The following RSPO2 variants were observed in gnomAD, a reference collection of about 807,000 sequenced individuals.
RSPO2 encodes R-spondin 2, also known as R-spondin-2.
Under a neutral mutation model 30.9 loss-of-function variants are expected in RSPO2, and 14 were observed. The ratio of observed to expected loss-of-function variants is 0.45; its 90% CI spans 0.30 to 0.71. The LOEUF (loss-of-function observed/expected upper bound fraction) is 0.71, where lower values mean the gene tolerates loss of function less well. Ranked by LOEUF, RSPO2 falls within the 30% of genes least tolerant of loss-of-function variation. The pLI is 0.08. For missense variants in RSPO2, 264 were observed against 301.9 expected (o/e 0.87, Z 0.93); for synonymous variants, 107 against 96.4 (o/e 1.11, Z -0.64).
chr8:108,008,208 A>AT (rs1390877401), intron 2 of RSPO2, among the ~76,000 whole-genome samples: 3 of 152,110 alleles, frequency 2.0e-5, no homozygotes, highest in African/African-American at 7.2e-5. Flanking sequence ...ATCTGCACCA[A>AT]TTTTTTCCCT....
chr8:108,082,453 A>C (rs1316996758), intron 2 of RSPO2, 92 bp downstream of exon 2: 3 of 937,932 alleles, frequency 3.2e-6, no homozygotes, highest in Non-Finnish European at 5.1e-6. Context: ...CACAGCCCTG[A>C]CCATCTGAGC....
At chr8:107,913,239 T>C (rs1811876264) in intron 5 of RSPO2, among the ~76,000 whole-genome samples, 1 of 152,148 alleles carries the variant, frequency 6.6e-6, no homozygotes. Flanking sequence ...TACATAAATA[T>C]AATCCTGAGT....
At chr8:107,950,492 G>T (rs374983910) in intron 5 of RSPO2, among the ~76,000 whole-genome samples, 2,089 of 147,438 alleles carry the variant, frequency 0.014, 38 homozygotes, top group African/African-American at 0.047. Flanking sequence ...ATTTTGGGGT[G>T]TTTTTTTTTT....
chr8:108,041,501 T>C lies in RSPO2; in HGVS notation c.94+41044A>G, dbSNP rs775453648. ...CAACAGGCCCCACCTTCATCTGAAA[T>C]AGGAAGAAAAAAATAAATTTAGAAG... is the stretch of plus-strand genomic sequence containing the variant. On this transcript the variant is annotated intron_variant, in intron 2 of 5. Transcript: ENST00000276659. Among the ~76,000 whole-genome samples, 106 of 151,780 alleles carry C rather than the reference T, an allele frequency of 7.0e-4. 1 individual carries two copies. The highest frequency in any genetic ancestry group is 1.3e-3 in the Non-Finnish European group (87 of 67,966).
intron 2 of RSPO2, among the ~76,000 whole-genome samples, chr8:108,070,594 C>G (rs1307545742): frequency 6.6e-6 from 1 of 152,184 alleles, no homozygotes; most frequent in Non-Finnish European, 1.5e-5. Context: ...TTAGTGTCCT[C>G]TCTTCAGGAA....
At chr8:107,912,804 A>G (rs899618996) in intron 5 of RSPO2, among the ~76,000 whole-genome samples, 4 of 152,180 alleles carry the variant, frequency 2.6e-5, no homozygotes, top group Non-Finnish European at 5.9e-5. Context: ...TGGTATCAAG[A>G]TATTTGCTGG....
intron 3 of RSPO2, among the ~76,000 whole-genome samples, chr8:107,986,489 GTGCTATTAACTCC>G (rs1814638045): frequency 2.6e-5 from 4 of 152,120 alleles, no homozygotes; most frequent in Admixed American, 2.6e-4. Flanking sequence ...AAGCCAAAAT[GTGCTATTAACTCC>G]TGCCTGAGAG....
At chr8:108,026,475 T>C (rs115568784) in intron 2 of RSPO2, among the ~76,000 whole-genome samples, 1 of 152,324 alleles carries the variant, frequency 6.6e-6, no homozygotes, top group East Asian at 1.9e-4. Flanking sequence ...CTTTTTGTTT[T>C]TAGGAAATGT....
intron 4 of RSPO2, 93 bp from the exon 5 acceptor site, chr8:107,958,361 C>T: frequency 1.0e-6 from 1 of 956,630 alleles, no homozygotes; most frequent in Non-Finnish European, 1.6e-6. Flanking sequence ...GAGCAGTGTT[C>T]CTTCACTAAC....
intron 2 of RSPO2, among the ~76,000 whole-genome samples, chr8:108,070,394 G>A (rs1012218212): frequency 7.5e-5 from 11 of 146,738 alleles, no homozygotes; most frequent in Admixed American, 2.8e-4. Flanking sequence ...CCGGGTTCAC[G>A]CCATTCTCCT....
chr8:107,951,042 A>AATTTTT (rs1813223841), intron 5 of RSPO2, among the ~76,000 whole-genome samples: 1 of 55,002 alleles, frequency 1.8e-5, no homozygotes, highest in Admixed American at 2.3e-4. Context: ...AGGGAGAATA[A>AATTTTT]GTTTTTTTTT....
intron 5 of RSPO2, among the ~76,000 whole-genome samples, chr8:107,908,455 A>G (rs1811721920): frequency 6.6e-6 from 1 of 152,208 alleles, no homozygotes; most frequent in South Asian, 2.1e-4. Flanking sequence ...AAGTTTTCAG[A>G]GCAGTAGAAA....
chr8:107,986,593 G>C (rs766559191), intron 3 of RSPO2, among the ~76,000 whole-genome samples: 23 of 152,134 alleles, frequency 1.5e-4, no homozygotes, highest in Non-Finnish European at 2.9e-4. Context: ...GATGGTCCTG[G>C]TTTACATCCA....
chr8:107,920,736 G>A (rs768830895), intron 5 of RSPO2, among the ~76,000 whole-genome samples: 1 of 152,086 alleles, frequency 6.6e-6, no homozygotes, highest in South Asian at 2.1e-4. Flanking sequence ...TTATATGAAT[G>A]CATAATGTTA....
chr8:107,961,663 T>C (rs527795192), intron 3 of RSPO2, among the ~76,000 whole-genome samples: 10 of 152,306 alleles, frequency 6.6e-5, no homozygotes, highest in Admixed American at 5.2e-4. Context: ...GACAACTATA[T>C]GCCTCTCTGA....
At chr8:107,941,733 A>T (rs1812903296) in intron 5 of RSPO2, among the ~76,000 whole-genome samples, 1 of 152,202 alleles carries the variant, frequency 6.6e-6, no homozygotes, top group Non-Finnish European at 1.5e-5. Context: ...CAGACTTGGT[A>T]ATGGTGTAAT....
At chr8:108,038,637 C>G (rs1811663994) in intron 2 of RSPO2, among the ~76,000 whole-genome samples, 1 of 152,100 alleles carries the variant, frequency 6.6e-6, no homozygotes, top group Non-Finnish European at 1.5e-5. Context: ...AAAACTGCCA[C>G]CAGCACCCCA....
At chr8:108,017,183 A>T (rs1017091360) in intron 2 of RSPO2, among the ~76,000 whole-genome samples, 5 of 151,534 alleles carry the variant, frequency 3.3e-5, no homozygotes, top group African/African-American at 1.2e-4. Flanking sequence ...CACCCAGCTA[A>T]TTTTTTTGTA....
intron 5 of RSPO2, among the ~76,000 whole-genome samples, chr8:107,905,316 A>G (rs917979599): frequency 3.7e-4 from 56 of 152,090 alleles, no homozygotes; most frequent in African/African-American, 1.4e-3. Flanking sequence ...AAAACTAAAG[A>G]AAAATTTCAG....
Sources: gnomAD v4.1 joint callset for allele counts (sites outside exome capture counted in the v4.1 genomes callset) on GRCh38, gnomAD v4.1.1 for gene constraint, MANE v1.5 for transcripts, NCBI Gene and HGNC (gene_info 2026-07-23, HGNC 2026-07-21) for gene names.